PIEZO1: variants seen among roughly 807,000 people sequenced by gnomAD.
The protein encoded by PIEZO1 is piezo-type mechanosensitive ion channel component 1.
PIEZO1 carries 296 observed loss-of-function variants against 297.2 expected under a neutral mutation model. The ratio of observed to expected loss-of-function variants is 1.00; its 90% confidence interval spans 0.91 to 1.10. The LOEUF is 1.10. Among genes scored for constraint, PIEZO1 ranks in the 50% least tolerant of loss-of-function variants. The pLI is 0.00. For synonymous variants in PIEZO1, 2,427 were observed against 1,507.5 expected (o/e 1.61, Z -14.13); for missense variants, 5,018 against 3,455.5 (o/e 1.45, Z -11.34).
chr16:88,733,242 G>C (rs1904988557), intron 19 of PIEZO1, 36 bp downstream of exon 19: 3 of 1,524,142 alleles, frequency 2.0e-6, no homozygotes, highest in South Asian at 1.2e-5. Flanking sequence ...GAGTTGCCTG[G>C]AGCTTCCTCC....
rs1905101624 is a variant in PIEZO1 at position 88,734,901 on chromosome 16, A to C, written c.1822T>G (p.Phe608Val). The C allele has an allele frequency of 1.3e-6, 2 of 1,550,280 alleles. No individual in the cohort carries two copies. Among genetic ancestry groups the C allele is most frequent in the Admixed American group, 2.0e-5 (1 of 50,998 alleles). ...VVYKIVYMFL[F>V]LLCLTLFQVY... Reference sequence around the variant, plus strand: ...TGGAAGAGGGTGAGGCAGAGCAGGAAGAGGAACATGTAGACAATCTTGTAG... The same window carrying C: ...TGGAAGAGGGTGAGGCAGAGCAGGACGAGGAACATGTAGACAATCTTGTAG... Residue 608 changes from phenylalanine to valine, a missense_variant, in exon 14 of 51, where the codon TTC (phenylalanine) becomes GTC (valine). Transcript: ENST00000301015.
intron 30 of PIEZO1, among the ~76,000 whole-genome samples, chr16:88,724,524 C>A (rs1283830636): frequency 1.4e-5 from 2 of 146,064 alleles, no homozygotes; most frequent in Non-Finnish European, 3.0e-5. Context: ...GGGCAAGACA[C>A]CGTCTCCAAA....
chr16:88,781,784 G>A (rs539403028), intron 1 of PIEZO1, among the ~76,000 whole-genome samples: 1 of 152,362 alleles, frequency 6.6e-6, no homozygotes, highest in East Asian at 1.9e-4. Context: ...CCAGCTTCTC[G>A]GCCGCCTCCC....
At position 88,785,009 on chromosome 16, in the gene PIEZO1, G is replaced by A; in HGVS notation, c.-45C>T. 8.6e-7 allele frequency: 1 copy of A among 1,156,128 alleles called. No individual in the cohort carries two copies. The highest frequency in any genetic ancestry group is 1.1e-6 in the Non-Finnish European group (1 of 927,824). 71.6% of individuals were successfully genotyped at this position (1,156,128 alleles called of 1,614,324 possible). A position where few individuals can be genotyped will look rare whatever the true frequency, so the allele number is the denominator to read the frequency against. Reference sequence around the variant, plus strand: ...CGGCCCAGACCGAGCGGACGCCGCGGCGCTATGGGGCGGTGCGGGGGCCCC... The same window carrying A: ...CGGCCCAGACCGAGCGGACGCCGCGACGCTATGGGGCGGTGCGGGGGCCCC... On this transcript the variant is annotated 5_prime_UTR_variant, in exon 1 of 51. Transcript: ENST00000301015.
At position 88,723,306 on chromosome 16, in the gene PIEZO1, G is replaced by T. The variant is rs1243013329; in HGVS notation, c.4358C>A (p.Thr1453Asn). The change falls in exon 32 of 51, where the codon ACC becomes AAC. Residue 1453 changes from threonine (T) to asparagine (N), a missense_variant. Physicochemically the swap from Thr to Asn is moderately conservative, Grantham distance 65. Coordinates refer to ENST00000301015, the MANE Select transcript of PIEZO1 (RefSeq NM_001142864.4). ...AFQLAYQAWV[T>N]NAQAVLRRRQ... is the part of the protein sequence containing the mutation. The stretch of plus-strand genomic sequence containing the variant: ...CCGCCTCAGCACCGCCTGGGCGTTG[G>T]TCACCCATGCCTGGTACGCCAGCTG... 5 of 1,539,360 alleles carry T rather than the reference G, an allele frequency of 3.2e-6. No individual in the cohort carries two copies. The highest frequency in any genetic ancestry group is 1.2e-5 in the South Asian group (1 of 84,054).
chr16:88,764,842 G>C (rs961967046), intron 1 of PIEZO1, among the ~76,000 whole-genome samples: 5 of 152,088 alleles, frequency 3.3e-5, no homozygotes, highest in Non-Finnish European at 7.3e-5. Flanking sequence ...CCAAAACGAG[G>C]ACTCCGCCCT....
In PIEZO1 at chr16:88,749,300, G is replaced by T; in HGVS notation, c.160+84C>A. The T allele has an allele frequency of 2.3e-6, 2 of 876,970 alleles. 1 individual carries two copies. Among genetic ancestry groups the T allele is most frequent in the Admixed American group, 7.1e-5 (2 of 28,220 alleles). 54.3% of individuals were successfully genotyped at this position (876,970 alleles called of 1,614,324 possible). ...TCTTCCACCCCGGGCTGTTAAAGGT[G>T]AGGAAAGCTGTACGAATTTTGGCCC... is the stretch of plus-strand genomic sequence containing the variant. On this transcript the variant is annotated intron_variant, in intron 2 of 50. Transcript: ENST00000301015.
intron 22 of PIEZO1, among the ~76,000 whole-genome samples, chr16:88,728,105 C>G (rs1223718992): frequency 6.6e-6 from 1 of 152,274 alleles, no homozygotes; most frequent in African/African-American, 2.4e-5. Context: ...ACAGCCTAGA[C>G]AGACCTCAGT....
chr16:88,764,474 C>T lies in PIEZO1; in HGVS notation c.65-14995G>A, dbSNP rs149919969. Among the ~76,000 whole-genome samples the T allele has an allele frequency of 3.3e-3, 509 of 152,256 alleles. 2 individuals are homozygous for T. The highest frequency in any genetic ancestry group is 0.013 in the East Asian group (68 of 5,178). On this transcript the variant is annotated intron_variant, in intron 1 of 50. Coordinates refer to ENST00000301015, the MANE Select transcript of PIEZO1 (RefSeq NM_001142864.4). ...ACGCGTCGACATTCCCCTGCCAGGC[C>T]GGGCGCGGTGGCTCACACCTGTAAT...
At chr16:88,750,360 CTATGATTCCTGCCCCCAGCACGTGTCTG>C (rs1250606900) in intron 1 of PIEZO1, among the ~76,000 whole-genome samples, 1 of 152,216 alleles carries the variant, frequency 6.6e-6, no homozygotes, top group Non-Finnish European at 1.5e-5. Context: ...CAAAAAAATG[CTATGATTCCTGCCCCCAGCACGTGTCTG>C]GGAGCCCCCG....
At chr16:88,733,015 G>C (rs2142811888) in intron 19 of PIEZO1, 2 of 582,530 alleles carry the variant, frequency 3.4e-6, no homozygotes, top group East Asian at 2.9e-5. Flanking sequence ...CCCTGTCCAG[G>C]GGTGGGGCCC....
intron 44 of PIEZO1, chr16:88,717,762 G>C (rs970480929): frequency 6.7e-6 from 3 of 451,014 alleles, no homozygotes; most frequent in Non-Finnish European, 1.3e-5. Flanking sequence ...CTAGCAACCA[G>C]AGAATACAGA....
chr16:88,749,008 C>T (rs867221859), intron 2 of PIEZO1, among the ~76,000 whole-genome samples: 94 of 146,504 alleles, frequency 6.4e-4, no homozygotes, highest in Middle Eastern at 3.8e-3. Flanking sequence ...GAGGCCGAGG[C>T]GGGCGGATCA....
chr16:88,721,148 G>T lies in PIEZO1; in HGVS notation c.5668+18C>A. ...GAAAACTGGGTAGGCAGGAGGTTGT[G>T]AGGCAGGGCGCTTATACCGATGGCT... On this transcript the variant is annotated intron_variant, in intron 39 of 50. Transcript: ENST00000301015. The T allele has an allele frequency of 2.1e-5, 31 of 1,470,722 alleles. No homozygotes were observed. Among genetic ancestry groups the T allele is most frequent in the Non-Finnish European group, 2.8e-5 (31 of 1,111,464 alleles). The allele number at this position is 1,470,722 out of a possible 1,614,324, so 91.1% of individuals were successfully genotyped here.
At chr16:88,772,833 C>T (rs1353634029) in intron 1 of PIEZO1, among the ~76,000 whole-genome samples, 3 of 151,952 alleles carry the variant, frequency 2.0e-5, no homozygotes, top group African/African-American at 4.8e-5. Flanking sequence ...GGGGGATGCC[C>T]GCCGCAGCCC....
At position 88,721,875 on chromosome 16, in the gene PIEZO1, A is replaced by C; in HGVS notation, c.5147T>G (p.Leu1716Arg). The C allele has an allele frequency of 6.5e-7, 1 of 1,550,004 alleles. No homozygotes were observed. Among genetic ancestry groups the C allele is most frequent in the Non-Finnish European group, 8.7e-7 (1 of 1,146,756 alleles). The change falls in exon 37 of 51, where the codon CTG becomes CGG. Residue 1716 changes from leucine (L) to arginine (R), a missense_variant. By Grantham distance (102) the Leu-to-Arg change is moderately radical (BLOSUM62 -2). Coordinates refer to ENST00000301015, the MANE Select transcript of PIEZO1 (RefSeq NM_001142864.4). Reference protein sequence around the residue: ...GSLVLPVLVFLWAMLSIPRPS... With the variant: ...GSLVLPVLVFRWAMLSIPRPS... The stretch of plus-strand genomic sequence containing the variant: ...CCTCGGGATCGACAGCATGGCCCAC[A>C]GGAAGACGAGCACGGGCAGCACCAG...
rs573846907 is a variant in PIEZO1 at position 88,721,225 on chromosome 16, C to G, written c.5609G>C (p.Ser1870Thr). The G allele has an allele frequency of 6.5e-6, 10 of 1,538,392 alleles. No individual in the cohort carries two copies. Among genetic ancestry groups the G allele is most frequent in the African/African-American group, 1.4e-5 (1 of 73,070 alleles). The change falls in exon 39 of 51, where the codon AGT (serine) becomes ACT (threonine). Residue 1870 changes from serine to threonine, a missense_variant. Physicochemically the swap from Ser to Thr is moderately conservative, Grantham distance 58. Coordinates refer to ENST00000301015, the MANE Select transcript of PIEZO1 (RefSeq NM_001142864.4). ...ELRPRDTRRISLRFRRRKKEG... is the reference protein window; with the variant it reads ...ELRPRDTRRITLRFRRRKKEG... ...CTTCTTCCTTCTTCTAAAACGTAGA[C>G]TGATGCGCCTCGTATCACGGGGCCT...
intron 2 of PIEZO1, among the ~76,000 whole-genome samples, chr16:88,744,706 G>A (rs4782404): frequency 0.52 from 78,190 of 150,078 alleles, 21,299 homozygotes; most frequent in Non-Finnish European, 0.61. Flanking sequence ...AGAGTGTCCT[G>A]GTCTGGCCAT....
rs986609194 is a variant in PIEZO1 at position 88,720,054 on chromosome 16, C to G, written c.6164+15G>C. On this transcript the variant is annotated intron_variant, in intron 42 of 50. Transcript: ENST00000301015. ...CCCGCCCCTGGAGACCGAGCGCCCC[C>G]ACGCGTGGGCCCACCTCTCAGTGAC... The G allele has an allele frequency of 3.2e-6, 5 of 1,549,974 alleles. No homozygotes were observed. Among genetic ancestry groups the G allele is most frequent in the Admixed American group, 3.9e-5 (2 of 50,986 alleles).
Sources: gnomAD v4.1 joint callset for allele counts (sites outside exome capture counted in the v4.1 genomes callset) on GRCh38, gnomAD v4.1.1 for gene constraint, MANE v1.5 for transcripts, NCBI Gene and HGNC (gene_info 2026-07-23, HGNC 2026-07-21) for gene names.